Variants in ERC1 observed in about 807,000 individuals in gnomAD.
The protein encoded by ERC1 is RAB6 interacting protein 2.
In ERC1, 56 loss-of-function variants were observed where a neutral mutation model predicts 132.0. That is an observed-to-expected ratio of 0.42 (90% CI 0.34 to 0.53). ERC1 has a LOEUF of 0.53. Ranked by LOEUF, ERC1 falls within the 20% of genes least tolerant of loss-of-function variation. The probability of loss-of-function intolerance (pLI) is 0.03; values close to 1 mark genes in which losing one functional copy is unlikely to be tolerated. For missense variants in ERC1, 1,202 were observed against 1,349.9 expected, an observed-to-expected ratio of 0.89 and a Z score of 1.72; for synonymous variants, 478 against 476.1, an observed-to-expected ratio of 1.00 and a Z score of -0.05.
chr12:1,465,507 A>G (rs745566166), intron 18 of ERC1, among the ~76,000 whole-genome samples: 18 of 152,216 alleles, frequency 1.2e-4, no homozygotes, highest in Non-Finnish European at 4.4e-5. Context: ...GCTCTGTACA[A>G]CAGTAATCTC....
intron 12 of ERC1, among the ~76,000 whole-genome samples, chr12:1,199,506 C>T (rs1245988554): frequency 6.6e-6 from 1 of 152,110 alleles, no homozygotes; most frequent in Non-Finnish European, 1.5e-5. Context: ...CACGGTGGTT[C>T]ACGCCTGTAA....
At chr12:1,012,407 T>C (rs1964829243) in intron 1 of ERC1, among the ~76,000 whole-genome samples, 1 of 152,064 alleles carries the variant, frequency 6.6e-6, no homozygotes, top group South Asian at 2.1e-4. Context: ...AGACTTAAAA[T>C]TCCTGTGCAG....
At chr12:1,072,114 A>AG (rs1309037516) in intron 2 of ERC1, among the ~76,000 whole-genome samples, 2 of 152,090 alleles carry the variant, frequency 1.3e-5, no homozygotes, top group East Asian at 3.9e-4. Flanking sequence ...AAAAAAAACA[A>AG]AAAAGTGTAA....
intron 12 of ERC1, among the ~76,000 whole-genome samples, chr12:1,227,162 A>G (rs1168856921): frequency 6.6e-6 from 1 of 152,194 alleles, no homozygotes; most frequent in Non-Finnish European, 1.5e-5. Context: ...GACATTGCTG[A>G]GTCATATGGT....
At chr12:1,108,668 C>A (rs1945517599) in intron 4 of ERC1, among the ~76,000 whole-genome samples, 1 of 152,088 alleles carries the variant, frequency 6.6e-6, no homozygotes, top group Admixed American at 6.5e-5. Context: ...GTCAGTCATT[C>A]CACATGAGTA....
intron 15 of ERC1, among the ~76,000 whole-genome samples, chr12:1,319,394 C>G (rs1594969179): frequency 6.6e-6 from 1 of 152,160 alleles, no homozygotes; most frequent in East Asian, 1.9e-4. Context: ...TCACTCACCC[C>G]CAAAGCATGT....
intron 15 of ERC1, among the ~76,000 whole-genome samples, chr12:1,305,656 G>A (rs1420951033): frequency 2.6e-5 from 4 of 152,104 alleles, no homozygotes; most frequent in African/African-American, 9.7e-5. Context: ...GAGCAAGAGG[G>A]GAGGGTCATG....
chr12:1,218,110 A>C (rs561824262), intron 12 of ERC1, among the ~76,000 whole-genome samples: 3 of 152,114 alleles, frequency 2.0e-5, no homozygotes, highest in Non-Finnish European at 2.9e-5. Flanking sequence ...CCTCCACTCA[A>C]AGTTTCTGGC....
intron 3 of ERC1, 54 bp downstream of exon 3, chr12:1,083,634 G>A: frequency 7.3e-7 from 1 of 1,376,026 alleles, no homozygotes; most frequent in Non-Finnish European, 9.9e-7. Context: ...TTTTTTCACT[G>A]ATTAATCAGC....
intron 16 of ERC1, among the ~76,000 whole-genome samples, chr12:1,392,348 G>T (rs530336892): frequency 6.6e-6 from 1 of 152,248 alleles, no homozygotes; most frequent in African/African-American, 2.4e-5. Flanking sequence ...TTTGAAGGAA[G>T]ACTTAAGCAA....
chr12:1,114,605 T>C lies in ERC1; in HGVS notation c.1402-1261T>C, dbSNP rs574093034. On this transcript the variant is annotated intron_variant, in intron 6 of 18. Transcript: ENST00000360905. ...TAGGGAATGGAATAGTGTTAATGGG[T>C]TGTTTTTATTGGTGAAGGGATATCA... Among the ~76,000 whole-genome samples the C allele has an allele frequency of 1.4e-4, 22 of 152,338 alleles. 1 individual carries two copies. In the South Asian group the frequency reaches 4.6e-3, roughly 32 times the overall value.
At chr12:1,234,668 AG>A (rs1424509457) in intron 12 of ERC1, among the ~76,000 whole-genome samples, 3 of 152,214 alleles carry the variant, frequency 2.0e-5, no homozygotes, top group Non-Finnish European at 4.4e-5. Context: ...AGAAAAAGGT[AG>A]GGAGCCTTGC....
At chr12:1,453,353 G>A (rs746217732) in intron 18 of ERC1, among the ~76,000 whole-genome samples, 2 of 152,188 alleles carry the variant, frequency 1.3e-5, no homozygotes, top group Non-Finnish European at 2.9e-5. Context: ...CAGCACAAGA[G>A]GTAGGGTAGA....
At chr12:1,298,998 A>T (rs1181454189) in intron 15 of ERC1, among the ~76,000 whole-genome samples, 1 of 152,190 alleles carries the variant, frequency 6.6e-6, no homozygotes, top group Admixed American at 6.5e-5. Context: ...TAATAAATAT[A>T]TATCTAATAG....
intron 13 of ERC1, among the ~76,000 whole-genome samples, chr12:1,242,550 C>T (rs1354036114): frequency 6.6e-6 from 1 of 152,180 alleles, no homozygotes; most frequent in Non-Finnish European, 1.5e-5. Context: ...AGCAAATGCT[C>T]TTTATTGTAT....
In ERC1 at chr12:1,051,827, G is replaced by T. The variant is rs60289900; in HGVS notation, c.669+23255G>T. 2.9e-4 allele frequency among the ~76,000 whole-genome samples: 39 copies of T among 135,076 alleles called. 1 individual carries two copies. Among genetic ancestry groups the T allele is most frequent in the South Asian group, 1.2e-3 (5 of 4,138 alleles). The allele number at this position is 135,076 out of a possible 152,430, so 88.6% of individuals were successfully genotyped here. A position where few individuals can be genotyped will look rare whatever the true frequency, so the allele number is the denominator to read the frequency against. On this transcript the variant is annotated intron_variant, in intron 2 of 18. Transcript: ENST00000360905. Reference sequence around the variant, plus strand: ...ACTAAGGCACCGTGTCCTTATGATCGCCTCTGCTCCTGCCTGCTTCTCTTG... The same window carrying T: ...ACTAAGGCACCGTGTCCTTATGATCTCCTCTGCTCCTGCCTGCTTCTCTTG...
At chr12:1,155,819 A>AAAATGACTTGTATTAACAGTATGAGAGT (rs1951334201) in intron 8 of ERC1, among the ~76,000 whole-genome samples, 1 of 152,172 alleles carries the variant, frequency 6.6e-6, no homozygotes, top group African/African-American at 2.4e-5. Flanking sequence ...TAGGATTTAA[A>AAAATGACTTGTATTAACAGTATGAGAGT]AAATGACTTG....
chr12:1,295,237 A>G (rs2079823348), intron 15 of ERC1, among the ~76,000 whole-genome samples: 1 of 152,226 alleles, frequency 6.6e-6, no homozygotes, highest in Non-Finnish European at 1.5e-5. Flanking sequence ...TCAGGTCTGC[A>G]GTTTTCTCAC....
At chr12:1,220,173 ACT>A (rs1958841388) in intron 12 of ERC1, among the ~76,000 whole-genome samples, 1 of 152,182 alleles carries the variant, frequency 6.6e-6, no homozygotes, top group South Asian at 2.1e-4. Context: ...GCTGAAATAC[ACT>A]GTTTGTCACA....
Sources: allele counts gnomAD v4.1 joint callset (sites outside exome capture counted in the v4.1 genomes callset), GRCh38; gene constraint gnomAD v4.1.1; transcripts MANE v1.5; gene names NCBI Gene and HGNC (gene_info 2026-07-23, HGNC 2026-07-21).